Variants in TLE1 observed in about 807,000 individuals in gnomAD.
The protein encoded by TLE1 is TLE family member 1, transcriptional corepressor, also known as transducin-like enhancer protein 1.
TLE1 carries 21 observed loss-of-function variants against 89.8 expected under a neutral mutation model. The observed-to-expected ratio is 0.23, with a 90% CI of 0.17 to 0.34. The LOEUF (loss-of-function observed/expected upper bound fraction) is 0.34. Among genes scored for constraint, TLE1 ranks in the 10% least tolerant of loss-of-function variants. The probability of loss-of-function intolerance (pLI) is 1.00; values close to 1 mark genes in which losing one functional copy is unlikely to be tolerated. For missense variants in TLE1, 795 were observed against 1,031.2 expected, an observed-to-expected ratio of 0.77 and a Z score of 3.14; for synonymous variants, 447 against 407.6, an observed-to-expected ratio of 1.10 and a Z score of -1.16.
At chr9:81,671,985 A>C (rs923230917) in intron 4 of TLE1, among the ~76,000 whole-genome samples, 1 of 152,180 alleles carries the variant, frequency 6.6e-6, no homozygotes, top group African/African-American at 2.4e-5. Context: ...AAATGGAAAA[A>C]GTTCTGGGAC....
intron 11 of TLE1, among the ~76,000 whole-genome samples, chr9:81,615,285 CGCCACTGCACTCCA>C (rs1824321700): frequency 1.3e-5 from 2 of 148,668 alleles, no homozygotes; most frequent in Admixed American, 1.3e-4. Flanking sequence ...GCCGAGATCA[CGCCACTGCACTCCA>C]GCCTGGGCAA....
chr9:81,633,561 T>G, intron 7 of TLE1, 197 bp from the exon 8 acceptor site: 1 of 709,512 alleles, frequency 1.4e-6, no homozygotes, highest in Non-Finnish European at 2.3e-6. Flanking sequence ...AACATAAGAT[T>G]TACAGTTTAA....
At position 81,687,539 on chromosome 9, in the gene TLE1, G is replaced by A. The variant is rs530620332; in HGVS notation, c.25-105C>T. Reference sequence around the variant, plus strand: ...CGGGTGGGACATAAACATAAAGTTAGAAGTGGCTGAAAACGAGGCCCCAAA... The same window carrying A: ...CGGGTGGGACATAAACATAAAGTTAAAAGTGGCTGAAAACGAGGCCCCAAA... On this transcript the variant is annotated intron_variant, in intron 1 of 19. Coordinates refer to ENST00000376499, the MANE Select transcript of TLE1 (RefSeq NM_005077.5). The A allele has an allele frequency of 4.9e-4, 408 of 827,712 alleles. 2 individuals are homozygous for A. The highest frequency in any genetic ancestry group is 4.8e-4 in the Admixed American group (20 of 42,084). 51.3% of individuals were successfully genotyped at this position (827,712 alleles called of 1,614,324 possible). A position where few individuals can be genotyped will look rare whatever the true frequency, so the allele number is the denominator to read the frequency against.
intron 4 of TLE1, among the ~76,000 whole-genome samples, chr9:81,678,197 T>C (rs114524516): frequency 0.011 from 1,718 of 152,222 alleles, 37 homozygotes; most frequent in African/African-American, 0.038. Context: ...AGAAGGTAAA[T>C]AGAATACAAT....
chr9:81,639,397 T>C (rs930612590), intron 6 of TLE1, among the ~76,000 whole-genome samples: 1 of 152,124 alleles, frequency 6.6e-6, no homozygotes, highest in Non-Finnish European at 1.5e-5. Context: ...AACCTGCCCG[T>C]CATTTGGAAA....
At chr9:81,587,907 C>CATCCCGCCT in intron 16 of TLE1, 79 bp from the exon 17 acceptor site, 2 of 752,282 alleles carry the variant, frequency 2.7e-6, no homozygotes, top group Non-Finnish European at 3.9e-6. Flanking sequence ...AGTTTTGGAC[C>CATCCCGCCT]GTGTGTGTGT....
chr9:81,595,901 T>C (rs1007988908), intron 14 of TLE1, among the ~76,000 whole-genome samples: 1 of 151,940 alleles, frequency 6.6e-6, no homozygotes, highest in Non-Finnish European at 1.5e-5. Flanking sequence ...ATGGAGAAAC[T>C]GCTTCTCAAA....
At chr9:81,617,133 CAAAAA>C (rs56692367) in intron 9 of TLE1, among the ~76,000 whole-genome samples, 13 of 124,202 alleles carry the variant, frequency 1.0e-4, no homozygotes, top group Admixed American at 2.4e-4. Flanking sequence ...CTAGTTAATG[CAAAAA>C]AAAAAAAAAA....
intron 14 of TLE1, among the ~76,000 whole-genome samples, chr9:81,604,624 G>A (rs1169332050): frequency 4.6e-5 from 7 of 152,138 alleles, no homozygotes; most frequent in South Asian, 2.1e-4. Flanking sequence ...CCTTGGACAC[G>A]CACGGTCAGA....
At position 81,687,525 on chromosome 9, in the gene TLE1, T is replaced by G. The variant is rs1050949906; in HGVS notation, c.25-91A>C. On this transcript the variant is annotated intron_variant, in intron 1 of 19. Coordinates refer to ENST00000376499, the MANE Select transcript of TLE1 (RefSeq NM_005077.5). Reference sequence around the variant, plus strand: ...AGAGAAGGCAAGAACGGGTGGGACATAAACATAAAGTTAGAAGTGGCTGAA... The same window carrying G: ...AGAGAAGGCAAGAACGGGTGGGACAGAAACATAAAGTTAGAAGTGGCTGAA... 7.2e-6 allele frequency: 7 copies of G among 968,650 alleles called. No homozygotes were observed. In the South Asian group the frequency reaches 1.0e-4, roughly 14 times the overall value. The allele number at this position is 968,650 out of a possible 1,614,324, so 60.0% of individuals were successfully genotyped here. A position where few individuals can be genotyped will look rare whatever the true frequency, so the allele number is the denominator to read the frequency against.
At position 81,688,573 on chromosome 9, in the gene TLE1, G is replaced by A. The variant is rs1252100415; in HGVS notation, c.-333C>T. The A allele has an allele frequency of 1.0e-5, 3 of 289,354 alleles. No homozygotes were observed. The highest frequency in any genetic ancestry group is 1.9e-5 in the Non-Finnish European group (3 of 157,784). The allele number at this position is 289,354 out of a possible 1,614,324, so 17.9% of individuals were successfully genotyped here. A position where few individuals can be genotyped will look rare whatever the true frequency, so the allele number is the denominator to read the frequency against. On this transcript the variant is annotated 5_prime_UTR_variant, in exon 1 of 20. Transcript: ENST00000376499. ...CCCCGGCCTCAGCTGCCCGGGCGGGGAGGCGGGGGCGCGGTGACTCCGACC... is the reference window on the plus strand; with the variant it reads ...CCCCGGCCTCAGCTGCCCGGGCGGGAAGGCGGGGGCGCGGTGACTCCGACC...
chr9:81,647,277 G>T (rs954434361), intron 6 of TLE1, among the ~76,000 whole-genome samples: 3 of 152,098 alleles, frequency 2.0e-5, no homozygotes, highest in African/African-American at 7.2e-5. Context: ...ATAACCTCTT[G>T]TGCCAACAAT....
chr9:81,662,184 A>G (rs73647843), intron 4 of TLE1, among the ~76,000 whole-genome samples: 2,965 of 152,310 alleles, frequency 0.019, 109 homozygotes, highest in African/African-American at 0.068. Context: ...GAAAGTTAAC[A>G]TTTGCCCTCC....
chr9:81,585,826 A>C (rs1208706592), intron 17 of TLE1, among the ~76,000 whole-genome samples, 171 bp from the exon 18 acceptor site: 4 of 152,172 alleles, frequency 2.6e-5, no homozygotes. Context: ...CCAAGTGTCA[A>C]AACCTTTAGG....
In TLE1 at chr9:81,687,330, G is replaced by A. The variant is rs748709411; in HGVS notation, c.125+4C>T. On this transcript the variant is annotated splice_donor_region_variant and intron_variant, in intron 2 of 19. Transcript: ENST00000376499. ...CCACTCGCATGGCGCGGCCGGACAC[G>A]CACCTGTGATACTGCGCCTGCAGGA... The A allele has an allele frequency of 8.1e-6, 13 of 1,600,164 alleles. No individual in the cohort carries two copies. Among genetic ancestry groups the A allele is most frequent in the Non-Finnish European group, 1.1e-5 (13 of 1,174,896 alleles).
intron 4 of TLE1, among the ~76,000 whole-genome samples, chr9:81,658,001 C>T (rs906971292): frequency 2.6e-5 from 4 of 151,288 alleles, no homozygotes; most frequent in African/African-American, 9.7e-5. Context: ...CCTCCACCTC[C>T]CGGGTTCTAA....
chr9:81,647,752 G>C, intron 6 of TLE1, among the ~76,000 whole-genome samples: 1 of 152,144 alleles, frequency 6.6e-6, no homozygotes, highest in East Asian at 1.9e-4. Flanking sequence ...AGGTCATAAA[G>C]CTAATAGATG....
At chr9:81,670,863 T>C (rs1024233559) in intron 4 of TLE1, among the ~76,000 whole-genome samples, 7 of 152,020 alleles carry the variant, frequency 4.6e-5, no homozygotes, top group Admixed American at 4.6e-4. Flanking sequence ...CCATACTTAA[T>C]AAATTAGTCA....
intron 15 of TLE1, among the ~76,000 whole-genome samples, chr9:81,592,309 G>A (rs1197122956): frequency 6.6e-6 from 1 of 152,226 alleles, no homozygotes; most frequent in Admixed American, 6.5e-5. Context: ...AGTGAGCCGA[G>A]ATCCGGCCAC....
Sources: gnomAD v4.1 joint callset for allele counts (sites outside exome capture counted in the v4.1 genomes callset) on GRCh38, gnomAD v4.1.1 for gene constraint, MANE v1.5 for transcripts, NCBI Gene and HGNC (gene_info 2026-07-23, HGNC 2026-07-21) for gene names.